Variants in NPAS3 observed in about 807,000 individuals in gnomAD.
NPAS3 encodes the protein neuronal PAS domain-containing protein 3.
NPAS3 carries 14 observed loss-of-function variants against 73.1 expected under a neutral mutation model. The ratio of observed to expected loss-of-function variants is 0.19; its 90% CI spans 0.13 to 0.30. The LOEUF (loss-of-function observed/expected upper bound fraction) is 0.30, where lower values mean the gene tolerates loss of function less well. Among genes scored for constraint, NPAS3 ranks in the 10% least tolerant of loss-of-function variants. The pLI is 1.00. For missense variants in NPAS3, 1,096 were observed against 1,250.0 expected, an observed-to-expected ratio of 0.88 and a Z score of 1.86; for synonymous variants, 620 against 541.5, an observed-to-expected ratio of 1.14 and a Z score of -2.01.
At chr14:33,345,485 G>T (rs1207352883) in intron 3 of NPAS3, among the ~76,000 whole-genome samples, 1 of 152,148 alleles carries the variant, frequency 6.6e-6, no homozygotes, top group South Asian at 2.1e-4. Flanking sequence ...AATTGTAGTC[G>T]ACAGGAAAAT....
At chr14:33,200,073 C>T (rs10148532) in intron 2 of NPAS3, among the ~76,000 whole-genome samples, 32,140 of 151,700 alleles carry the variant, frequency 0.21, 3,842 homozygotes, top group South Asian at 0.38. Flanking sequence ...AGATTCCTTA[C>T]ACATGATGTC....
At chr14:33,487,315 C>G (rs1405857636) in intron 4 of NPAS3, among the ~76,000 whole-genome samples, 1 of 152,160 alleles carries the variant, frequency 6.6e-6, no homozygotes, top group Admixed American at 6.5e-5. Context: ...AGTGGATCAT[C>G]TTTCTGAAAT....
intron 3 of NPAS3, among the ~76,000 whole-genome samples, chr14:33,296,040 TGAAAGAC>T (rs2042284088): frequency 6.6e-6 from 1 of 152,172 alleles, no homozygotes; most frequent in South Asian, 2.1e-4. Context: ...TTTAAATTAC[TGAAAGAC>T]GAAGACTCTC....
At chr14:33,103,464 G>A (rs1386859701) in intron 2 of NPAS3, among the ~76,000 whole-genome samples, 1 of 152,120 alleles carries the variant, frequency 6.6e-6, no homozygotes, top group Non-Finnish European at 1.5e-5. Context: ...TACATATTTA[G>A]GCTTTTACAA....
chr14:33,055,664 T>TA lies in NPAS3; in HGVS notation c.51-230dup, dbSNP rs531313481. On this transcript the variant is annotated intron_variant, in intron 1 of 11. Transcript: ENST00000356141. ...CTTCCACTTTTATGACTCTGAGATTTAAAAAAAAAAACAAAACAAAACTGT... is the reference window on the plus strand; with the variant it reads ...CTTCCACTTTTATGACTCTGAGATTTAAAAAAAAAAAACAAAACAAAACTGT... Among the ~76,000 whole-genome samples the TA allele has an allele frequency of 3.8e-3, 553 of 145,666 alleles. 1 individual carries two copies. The highest frequency in any genetic ancestry group is 8.9e-3 in the South Asian group (41 of 4,588).
At chr14:33,609,171 A>G (rs1471944577) in intron 5 of NPAS3, among the ~76,000 whole-genome samples, 1 of 152,194 alleles carries the variant, frequency 6.6e-6, no homozygotes, top group Non-Finnish European at 1.5e-5. Flanking sequence ...TAAAGAAAAA[A>G]AAAATGTGCT....
chr14:33,394,340 A>G (rs1426487042), intron 4 of NPAS3, among the ~76,000 whole-genome samples: 2 of 152,172 alleles, frequency 1.3e-5, no homozygotes, highest in African/African-American at 4.8e-5. Flanking sequence ...AAACAGTTTT[A>G]CTAAAGGGGC....
chr14:33,009,068 A>G, intron 1 of NPAS3, among the ~76,000 whole-genome samples: 1 of 152,206 alleles, frequency 6.6e-6, no homozygotes, highest in Non-Finnish European at 1.5e-5. Context: ...ACTGGATAAC[A>G]ACGTAAAAAT....
At position 33,005,939 on chromosome 14, in the gene NPAS3, C is replaced by T. The variant is rs569442169; in HGVS notation, c.51-49966C>T. Among the ~76,000 whole-genome samples, 26 of 152,320 alleles carry T rather than the reference C, an allele frequency of 1.7e-4. No individual in the cohort carries two copies. In the South Asian group the frequency reaches 5.2e-3, roughly 30 times the overall value. On this transcript the variant is annotated intron_variant, in intron 1 of 11. Coordinates refer to ENST00000356141, the Ensembl canonical transcript of NPAS3. ...TTCCACGGAAACTCTGCCCCTAACA[C>T]TTAACCCTCAACAGCCAAACTTGGA...
chr14:33,519,673 T>A (rs140747526), intron 4 of NPAS3, among the ~76,000 whole-genome samples: 32 of 152,304 alleles, frequency 2.1e-4, no homozygotes, highest in African/African-American at 6.3e-4. Flanking sequence ...TGTAAGGTAC[T>A]TGAAATATAC....
At chr14:33,341,607 G>C (rs533518122) in intron 3 of NPAS3, among the ~76,000 whole-genome samples, 2 of 152,178 alleles carry the variant, frequency 1.3e-5, no homozygotes, top group East Asian at 3.9e-4. Flanking sequence ...GGGAAGGGCT[G>C]GTTCCTCACA....
intron 2 of NPAS3, among the ~76,000 whole-genome samples, chr14:33,085,554 G>A (rs1824036372): frequency 6.6e-6 from 1 of 152,170 alleles, no homozygotes; most frequent in South Asian, 2.1e-4. Context: ...GTGGCCCCCA[G>A]TGGGCTAGTC....
chr14:33,166,902 T>C (rs2045181297), intron 2 of NPAS3, among the ~76,000 whole-genome samples: 1 of 152,248 alleles, frequency 6.6e-6, no homozygotes, highest in Non-Finnish European at 1.5e-5. Context: ...TCACTTAGTA[T>C]ATCACTAAGT....
chr14:33,207,232 A>G (rs1594393873), intron 2 of NPAS3, among the ~76,000 whole-genome samples: 1 of 141,546 alleles, frequency 7.1e-6, no homozygotes, highest in African/African-American at 2.6e-5. Context: ...CTCAAAGAAC[A>G]TTACACACAC....
intron 3 of NPAS3, among the ~76,000 whole-genome samples, chr14:33,226,166 T>C (rs1421550974): frequency 6.6e-6 from 1 of 152,194 alleles, no homozygotes; most frequent in East Asian, 1.9e-4. Context: ...CACTTTAATA[T>C]AGCAAATGAT....
rs537671449 is a variant in NPAS3, at chr14:33,483,641, T to C, written c.469-76480T>C. ...TGGTTTCAGGTGAACTGTCATGTCA[T>C]AGGGGCTTAAGTAGCTTCTCCATTA... On this transcript the variant is annotated intron_variant, in intron 4 of 11. Coordinates refer to ENST00000356141, the Ensembl canonical transcript of NPAS3. Among the ~76,000 whole-genome samples the C allele has an allele frequency of 3.4e-4, 52 of 152,286 alleles. No individual in the cohort carries two copies. In the South Asian group the frequency reaches 1.0e-2, roughly 29 times the overall value.
chr14:33,800,405 G>A lies in NPAS3; in HGVS notation c.2098G>A (p.Gly700Arg), dbSNP rs1046166959. The change falls in exon 12 of 12, where the codon GGG (glycine) becomes AGG (arginine). Residue 700 changes from glycine to arginine, a missense_variant. Coordinates refer to ENST00000356141, the Ensembl canonical transcript of NPAS3. This position sits in a 1 kb window ranked among gnomAD's most constrained non-coding sequence, Gnocchi z 6.5. The stretch of plus-strand genomic sequence containing the variant: ...CCCGTCCCCGCAGGGCGGCGGCGGT[G>A]GGGGTGGCGGTGGCGGGGGGCTGCA... 1.1e-5 allele frequency: 17 copies of A among 1,601,988 alleles called. No individual in the cohort carries two copies. The highest frequency in any genetic ancestry group is 1.4e-5 in the African/African-American group (1 of 73,462).
At chr14:33,121,981 AC>A (rs1342847700) in intron 2 of NPAS3, among the ~76,000 whole-genome samples, 3 of 152,186 alleles carry the variant, frequency 2.0e-5, no homozygotes, top group Non-Finnish European at 4.4e-5. Context: ...AGTGTATTTT[AC>A]TTACAGTGTA....
At chr14:33,381,171 T>C (rs2138450503) in intron 4 of NPAS3, among the ~76,000 whole-genome samples, 1 of 152,348 alleles carries the variant, frequency 6.6e-6, no homozygotes, top group East Asian at 1.9e-4. Context: ...TCAGTAACTA[T>C]TTAATAATGC....
Sources: allele counts gnomAD v4.1 joint callset (sites outside exome capture counted in the v4.1 genomes callset), GRCh38; gene constraint gnomAD v4.1.1; non-coding constraint Gnocchi (gnomAD v3.1); transcripts MANE v1.5; gene names NCBI Gene and HGNC (gene_info 2026-07-23, HGNC 2026-07-21).